The following TMEM120B variants were observed in gnomAD, a reference collection of about 807,000 sequenced individuals.
TMEM120B encodes the protein transmembrane protein 120B.
In TMEM120B, 31 loss-of-function variants were observed where a neutral mutation model predicts 55.5. The observed-to-expected ratio is 0.56, with a 90% CI of 0.42 to 0.75. The LOEUF (loss-of-function observed/expected upper bound fraction) is 0.75. TMEM120B is among the 30% of genes least tolerant of loss of function. The pLI, the probability that TMEM120B is intolerant of heterozygous loss-of-function variation, is 0.00. For missense variants in TMEM120B, 399 were observed against 425.5 expected, an observed-to-expected ratio of 0.94 and a Z score of 0.55; for synonymous variants, 203 against 176.3, an observed-to-expected ratio of 1.15 and a Z score of -1.20.
At position 121,775,823 on chromosome 12, in the gene TMEM120B, GC is replaced by G; in HGVS notation, c.*104del. On this transcript the variant is annotated 3_prime_UTR_variant, in exon 12 of 12. Transcript: ENST00000449592. This position sits in a 1 kb window ranked among gnomAD's most constrained non-coding sequence, Gnocchi z 4.3. ...AGGCCCGTGGCATCGCTGGGAGAGG[GC>G]CCAGGCCCTGGTCCCCCAGTGGACC... 7.7e-7 allele frequency: 1 copy of G among 1,297,946 alleles called. No individual in the cohort carries two copies. Among genetic ancestry groups the G allele is most frequent in the Non-Finnish European group, 1.1e-6 (1 of 918,048 alleles). The allele number at this position is 1,297,946 out of a possible 1,614,324, so 80.4% of individuals were successfully genotyped here. A position where few individuals can be genotyped will look rare whatever the true frequency, so the allele number is the denominator to read the frequency against.
chr12:121,735,651 C>T (rs1895095245), intron 1 of TMEM120B, among the ~76,000 whole-genome samples: 1 of 151,320 alleles, frequency 6.6e-6, no homozygotes, highest in Non-Finnish European at 1.5e-5. Context: ...CCTGCCTTGG[C>T]CTCCCAAAAT....
intron 6 of TMEM120B, 51 bp from the exon 7 acceptor site, chr12:121,770,856 C>G (rs747874966): frequency 6.4e-7 from 1 of 1,561,630 alleles, no homozygotes; most frequent in Non-Finnish European, 8.8e-7. Flanking sequence ...GAGACACATG[C>G]CTGCGTTGCT....
intron 1 of TMEM120B, among the ~76,000 whole-genome samples, chr12:121,725,926 A>G (rs1894880112): frequency 6.6e-6 from 1 of 151,708 alleles, no homozygotes; most frequent in Admixed American, 6.6e-5. Flanking sequence ...AGTCCCAGCT[A>G]CTGAGGAGGC....
In TMEM120B at chr12:121,770,981, C is replaced by T; in HGVS notation, c.617+9C>T. On this transcript the variant is annotated intron_variant, in intron 7 of 11. Transcript: ENST00000449592. ...GGAGTGATGCTGACCTGGTGAGTAGCCCCTCGCTGGGCCCCTCCAGCCTCC... is the reference window on the plus strand; with the variant it reads ...GGAGTGATGCTGACCTGGTGAGTAGTCCCTCGCTGGGCCCCTCCAGCCTCC... The T allele has an allele frequency of 1.2e-6, 2 of 1,613,396 alleles. No individual in the cohort carries two copies. Among genetic ancestry groups the T allele is most frequent in the South Asian group, 1.1e-5 (1 of 90,850 alleles).
chr12:121,741,110 T>G (rs1193882404), intron 1 of TMEM120B, among the ~76,000 whole-genome samples: 1 of 152,142 alleles, frequency 6.6e-6, no homozygotes, highest in Non-Finnish European at 1.5e-5. Flanking sequence ...AAAACCCATT[T>G]CTGTCTTACT....
At chr12:121,762,608 G>A (rs969040124) in intron 6 of TMEM120B, among the ~76,000 whole-genome samples, 3 of 152,204 alleles carry the variant, frequency 2.0e-5, no homozygotes, top group Non-Finnish European at 4.4e-5. Context: ...CACTGGGAGC[G>A]GAGAAGCTGA....
chr12:121,726,578 C>A (rs1258201574), intron 1 of TMEM120B, among the ~76,000 whole-genome samples: 322 of 130,838 alleles, frequency 2.5e-3, no homozygotes, highest in African/African-American at 3.9e-3. Flanking sequence ...GACTCTGTCT[C>A]AAAAAAAAAA....
intron 6 of TMEM120B, 112 bp downstream of exon 6, chr12:121,761,850 G>A: frequency 1.2e-6 from 1 of 808,586 alleles, no homozygotes; most frequent in Non-Finnish European, 2.1e-6. Context: ...CCTCCTTGGG[G>A]GTTGCTCTGT....
rs1566530146 is a variant in TMEM120B, at chr12:121,778,969, G to C, written c.*3247G>C. On this transcript the variant is annotated 3_prime_UTR_variant, in exon 12 of 12. Coordinates refer to ENST00000449592, the MANE Select transcript of TMEM120B (RefSeq NM_001080825.2). ...TTCCATGTGGGGTGGAGATGGGAGGGGTGGGTGCCAGGCTGCAGCCTGTGT... is the reference window on the plus strand; with the variant it reads ...TTCCATGTGGGGTGGAGATGGGAGGCGTGGGTGCCAGGCTGCAGCCTGTGT... 6.4e-6 allele frequency: 1 copy of C among 155,470 alleles called. No homozygotes were observed. Among genetic ancestry groups the C allele is most frequent in the Non-Finnish European group, 1.4e-5 (1 of 69,856 alleles). 9.6% of individuals were successfully genotyped at this position (155,470 alleles called of 1,614,324 possible). A position where few individuals can be genotyped will look rare whatever the true frequency, so the allele number is the denominator to read the frequency against.
chr12:121,755,162 G>T (rs1873443251), intron 5 of TMEM120B, among the ~76,000 whole-genome samples: 1 of 152,178 alleles, frequency 6.6e-6, no homozygotes, highest in African/African-American at 2.4e-5. Flanking sequence ...TCTTCCTCTT[G>T]CCCCTCTTGG....
chr12:121,739,280 T>C (rs1459241685), intron 1 of TMEM120B, among the ~76,000 whole-genome samples: 1 of 152,132 alleles, frequency 6.6e-6, no homozygotes, highest in Non-Finnish European at 1.5e-5. Context: ...ATATGAACAG[T>C]ACCAGAAGGC....
intron 6 of TMEM120B, 144 bp from the exon 7 acceptor site, chr12:121,770,763 G>T: frequency 1.4e-6 from 1 of 729,302 alleles, no homozygotes; most frequent in South Asian, 1.6e-5. Flanking sequence ...AGGAGGGCAC[G>T]GTCAGGGTTC....
intron 6 of TMEM120B, among the ~76,000 whole-genome samples, chr12:121,765,692 G>A (rs1454992494): frequency 6.6e-5 from 10 of 152,138 alleles, no homozygotes; most frequent in Non-Finnish European, 1.5e-4. Flanking sequence ...CCAGCTTGTC[G>A]GGGAGGGAGC....
At chr12:121,738,883 A>C (rs1872834065) in intron 1 of TMEM120B, among the ~76,000 whole-genome samples, 1 of 152,110 alleles carries the variant, frequency 6.6e-6, no homozygotes, top group Non-Finnish European at 1.5e-5. Flanking sequence ...AACTGGACCG[A>C]ACTCTTTAAA....
Position 121,712,796 on chromosome 12 carries a change from C to T in TMEM120B, c.-100C>T. On this transcript the variant is annotated 5_prime_UTR_variant, in exon 1 of 12. Transcript: ENST00000449592. Reference sequence around the variant, plus strand: ...GCTGCGCAGGAACAGCTGGTGCCTCCGAGGGCGGTCGGCGAGCGCGCGGGC... The same window carrying T: ...GCTGCGCAGGAACAGCTGGTGCCTCTGAGGGCGGTCGGCGAGCGCGCGGGC... 2 of 862,976 alleles carry T rather than the reference C, an allele frequency of 2.3e-6. No homozygotes were observed. Among genetic ancestry groups the T allele is most frequent in the Non-Finnish European group, 3.1e-6 (2 of 642,312 alleles). 53.5% of individuals were successfully genotyped at this position (862,976 alleles called of 1,614,324 possible). A position where few individuals can be genotyped will look rare whatever the true frequency, so the allele number is the denominator to read the frequency against.
chr12:121,781,943 A>C lies in TMEM120B; in HGVS notation c.*6221A>C, dbSNP rs1158547932. On this transcript the variant is annotated 3_prime_UTR_variant, in exon 12 of 12. Coordinates refer to ENST00000449592, the MANE Select transcript of TMEM120B (RefSeq NM_001080825.2). ...CTCCGCCCCGAGACGAGCTGAATCCAAATACGGATCTAGGCTTGAGCTTGG... is the reference window on the plus strand; with the variant it reads ...CTCCGCCCCGAGACGAGCTGAATCCCAATACGGATCTAGGCTTGAGCTTGG... 6.6e-6 allele frequency: 1 copy of C among 152,240 alleles called. No homozygotes were observed. Among genetic ancestry groups the C allele is most frequent in the African/African-American group, 2.4e-5 (1 of 41,460 alleles). 9.4% of individuals were successfully genotyped at this position (152,240 alleles called of 1,614,324 possible). A position where few individuals can be genotyped will look rare whatever the true frequency, so the allele number is the denominator to read the frequency against.
intron 3 of TMEM120B, 62 bp from the exon 4 acceptor site, chr12:121,750,318 G>A (rs974846742): frequency 7.4e-6 from 11 of 1,478,294 alleles, no homozygotes; most frequent in Non-Finnish European, 1.0e-5. Context: ...TGTTGAGTTT[G>A]AATGTTGTTG....
chr12:121,729,203 C>T (rs565047708), intron 1 of TMEM120B, among the ~76,000 whole-genome samples: 1 of 152,200 alleles, frequency 6.6e-6, no homozygotes. Context: ...CAGCTGGTTC[C>T]ATTCGAGGCC....
chr12:121,724,615 GTT>G (rs11321046), intron 1 of TMEM120B, among the ~76,000 whole-genome samples: 29 of 137,688 alleles, frequency 2.1e-4, no homozygotes, highest in Admixed American at 3.0e-4. Context: ...TAAAAGTTGT[GTT>G]TTTTTTTTTT....
Sources: gnomAD v4.1 joint callset for allele counts (sites outside exome capture counted in the v4.1 genomes callset) on GRCh38, gnomAD v4.1.1 for gene constraint, Gnocchi (gnomAD v3.1) non-coding constraint, MANE v1.5 for transcripts, NCBI Gene and HGNC (gene_info 2026-07-23, HGNC 2026-07-21) for gene names.